The following TRABD variants were observed in gnomAD, a reference collection of about 807,000 sequenced individuals.
TRABD encodes the protein traB domain-containing protein.
A neutral mutation model predicts 39.6 loss-of-function variants in TRABD; 23 were observed. The ratio of observed to expected loss-of-function variants is 0.58; its 90% CI spans 0.42 to 0.82. The LOEUF is 0.82. Ranked by LOEUF, TRABD falls within the 40% of genes least tolerant of loss-of-function variation. The probability of loss-of-function intolerance (pLI) is 0.00; values close to 1 mark genes in which losing one functional copy is unlikely to be tolerated. For synonymous variants in TRABD, 243 were observed against 232.1 expected, an observed-to-expected ratio of 1.05 and a Z score of -0.43; for missense variants, 487 against 544.9, an observed-to-expected ratio of 0.89 and a Z score of 1.06.
In TRABD at chr22:50,198,407, GC is replaced by G; in HGVS notation, c.1021del (p.Leu341CysfsTer30). On this transcript the variant is annotated frameshift_variant, in exon 10 of 10. Transcript: ENST00000380909. LOFTEE classifies it high-confidence loss of function. The surrounding 1 kb of genome is among the most constrained non-coding windows in gnomAD (Gnocchi z 7.9). Reference sequence around the variant, plus strand: ...TTGGCCGTGAAGGCCGCCTTCTTCGGCCTGCTGGGCTACAGCCTGTACTGGA... The same window carrying G: ...TTGGCCGTGAAGGCCGCCTTCTTCGGCTGCTGGGCTACAGCCTGTACTGGA... ...SRLAVKAAFF[G>X]LLGYSLYWMG... The G allele has an allele frequency of 6.3e-7, 1 of 1,595,902 alleles. No homozygotes were observed. The highest frequency in any genetic ancestry group is 8.5e-7 in the Non-Finnish European group (1 of 1,176,888).
chr22:50,195,341 G>GC (rs34073975), intron 5 of TRABD, among the ~76,000 whole-genome samples: 24,118 of 151,928 alleles, frequency 0.16, 2,119 homozygotes, highest in East Asian at 0.26. Flanking sequence ...TGCAAGGTTG[G>GC]CCCCCCCGGT....
In TRABD at chr22:50,199,019, G is replaced by C. The variant is rs1020917866; in HGVS notation, c.*500G>C. 1.0e-5 allele frequency: 7 copies of C among 677,884 alleles called. No homozygotes were observed. In the African/African-American group the frequency reaches 1.2e-4, roughly 12 times the overall value. The allele number at this position is 677,884 out of a possible 1,614,324, so 42.0% of individuals were successfully genotyped here. A position where few individuals can be genotyped will look rare whatever the true frequency, so the allele number is the denominator to read the frequency against. Reference sequence around the variant, plus strand: ...ACCGTGCCCCTGGCATCCTGGCCCTGGCCGCCACCTCCCTGGCACCGTCTG... The same window carrying C: ...ACCGTGCCCCTGGCATCCTGGCCCTCGCCGCCACCTCCCTGGCACCGTCTG... On this transcript the variant is annotated 3_prime_UTR_variant, in exon 10 of 10. Transcript: ENST00000380909.
At chr22:50,187,807 G>A (rs556588185) in intron 1 of TRABD, among the ~76,000 whole-genome samples, 134 of 151,384 alleles carry the variant, frequency 8.9e-4, no homozygotes, top group African/African-American at 3.1e-3. Flanking sequence ...GTGAAACCCC[G>A]TCTCTACTAA....
intron 2 of TRABD, among the ~76,000 whole-genome samples, chr22:50,193,299 G>A (rs532806168): frequency 2.2e-4 from 34 of 152,280 alleles, no homozygotes; most frequent in African/African-American, 6.5e-4. Context: ...GATGGCAGCC[G>A]TGCCAGTGAT....
chr22:50,194,532 C>G, intron 4 of TRABD, 26 bp downstream of exon 4: 1 of 1,562,544 alleles, frequency 6.4e-7, no homozygotes. Flanking sequence ...CGCCACATCC[C>G]GGACACGGGT....
At chr22:50,194,755 C>A in intron 4 of TRABD, 145 bp from the exon 5 acceptor site, 1 of 1,292,146 alleles carries the variant, frequency 7.7e-7, no homozygotes, top group Non-Finnish European at 1.0e-6. Flanking sequence ...GAGAATTGAG[C>A]TGTCACTGCA....
At chr22:50,194,571 G>C (rs2064030599) in intron 4 of TRABD, 65 bp downstream of exon 4, 2 of 1,545,904 alleles carry the variant, frequency 1.3e-6, no homozygotes, top group Non-Finnish European at 1.7e-6. Flanking sequence ...CCTGCACTCA[G>C]GGACCTCCCG....
Position 50,199,332 on chromosome 22 carries a change from T to C in TRABD, c.*813T>C. 1.9e-6 allele frequency: 1 copy of C among 536,366 alleles called. No individual in the cohort carries two copies. Among genetic ancestry groups the C allele is most frequent in the South Asian group, 2.1e-5 (1 of 47,304 alleles). The allele number at this position is 536,366 out of a possible 1,614,324, so 33.2% of individuals were successfully genotyped here. Reference sequence around the variant, plus strand: ...TCTGGGCAGACAATGTGTGCACCTATGTGGAAGGCCAAGGACATGGGCTGT... The same window carrying C: ...TCTGGGCAGACAATGTGTGCACCTACGTGGAAGGCCAAGGACATGGGCTGT... On this transcript the variant is annotated 3_prime_UTR_variant, in exon 10 of 10. Transcript: ENST00000380909.
rs1482670144 is a variant in TRABD, at chr22:50,199,162, A to G, written c.*643A>G. On this transcript the variant is annotated 3_prime_UTR_variant, in exon 10 of 10. Transcript: ENST00000380909. ...TCAAAAAACACCAGCCTTAAATCCA[A>G]AGGGAGAGAATTCGTGTTCTTGGGT... 1.4e-6 allele frequency: 1 copy of G among 719,146 alleles called. No homozygotes were observed. The highest frequency in any genetic ancestry group is 2.6e-6 in the Non-Finnish European group (1 of 385,578). The allele number at this position is 719,146 out of a possible 1,614,324, so 44.5% of individuals were successfully genotyped here.
chr22:50,194,298 G>A (rs1364000189), intron 3 of TRABD, 42 bp from the exon 4 acceptor site: 6 of 1,594,002 alleles, frequency 3.8e-6, no homozygotes, highest in East Asian at 2.2e-5. Flanking sequence ...CGGCGTCCTT[G>A]GGGTGGGCCC....
chr22:50,197,763 A>AGGGCCCCCCCCCCCCCCCCCC, intron 7 of TRABD, 60 bp from the exon 8 acceptor site: 1 of 1,439,784 alleles, frequency 6.9e-7, no homozygotes, highest in Non-Finnish European at 9.7e-7. Context: ...CCACAGTGCC[A>AGGGCCCCCCCCCCCCCCCCCC]GCCCCACCCC....
chr22:50,192,930 C>T, intron 1 of TRABD, 97 bp from the exon 2 acceptor site: 1 of 1,182,004 alleles, frequency 8.5e-7, no homozygotes, highest in East Asian at 2.6e-5. Context: ...CAGGCCCACC[C>T]AACAGATGGT....
In TRABD at chr22:50,194,358, A is replaced by G. The variant is rs2064019633; in HGVS notation, c.131A>G (p.Asn44Ser). 1.9e-6 allele frequency: 3 copies of G among 1,612,680 alleles called. No homozygotes were observed. The highest frequency in any genetic ancestry group is 1.3e-5 in the African/African-American group (1 of 75,030). Residue 44 changes from asparagine (N) to serine (S), a missense_variant, in exon 4 of 10, where the codon AAC becomes AGC. Around this residue, in one of 3 missense-constraint regions of TRABD, gnomAD observed 358 missense variants for 414.7 expected, o/e 0.86. Coordinates refer to ENST00000380909, the MANE Select transcript of TRABD (RefSeq NM_001320485.2). ...PQNLSDVDAFNLLLEMKLKRR... is the reference protein window; with the variant it reads ...PQNLSDVDAFSLLLEMKLKRR... ...GTTGCAGCCGACGTGGACGCCTTCA[A>G]CCTGCTCCTGGAGATGAAGCTGAAG... is the stretch of plus-strand genomic sequence containing the variant.
chr22:50,188,952 G>A (rs543913416), intron 1 of TRABD, among the ~76,000 whole-genome samples: 1 of 152,344 alleles, frequency 6.6e-6, no homozygotes, highest in South Asian at 2.1e-4. Context: ...TGGGGCTGTT[G>A]GGAATTCTCA....
intron 2 of TRABD, 73 bp downstream of exon 2, chr22:50,193,166 C>A: frequency 2.1e-6 from 3 of 1,459,552 alleles, no homozygotes; most frequent in South Asian, 2.6e-5. Context: ...CTCTCGGGGT[C>A]GGTCCCTGGC....
rs1355148698 is a variant in TRABD at position 50,198,774 on chromosome 22, C to T, written c.*255C>T. Reference sequence around the variant, plus strand: ...CAGGGGCCGTTCCCCAGCTTCTGGACAAGACACCCAGCTCCGAGGGGGCAG... The same window carrying T: ...CAGGGGCCGTTCCCCAGCTTCTGGATAAGACACCCAGCTCCGAGGGGGCAG... On this transcript the variant is annotated 3_prime_UTR_variant, in exon 10 of 10. Transcript: ENST00000380909. This position sits in a 1 kb window ranked among gnomAD's most constrained non-coding sequence, Gnocchi z 7.9. 7.3e-6 allele frequency: 4 copies of T among 545,044 alleles called. No individual in the cohort carries two copies. Among genetic ancestry groups the T allele is most frequent in the Non-Finnish European group, 1.3e-5 (4 of 309,690 alleles). 33.8% of individuals were successfully genotyped at this position (545,044 alleles called of 1,614,324 possible).
chr22:50,193,348 C>G (rs1449816729), intron 2 of TRABD, among the ~76,000 whole-genome samples: 3 of 152,162 alleles, frequency 2.0e-5, no homozygotes, highest in Non-Finnish European at 4.4e-5. Flanking sequence ...GGGGCCTAGG[C>G]TCTACGGAGG....
chr22:50,190,286 T>G (rs939219698), intron 1 of TRABD, among the ~76,000 whole-genome samples: 1 of 152,162 alleles, frequency 6.6e-6, no homozygotes, highest in African/African-American at 2.4e-5. Flanking sequence ...GCTCAAGGCT[T>G]GGCAGCCGGC....
Position 50,194,398 on chromosome 22 carries a change from G to T in TRABD, c.171G>T (p.Arg57=). 1 of 1,612,808 alleles carries T rather than the reference G, an allele frequency of 6.2e-7. No homozygotes were observed. Among genetic ancestry groups the T allele is most frequent in the Non-Finnish European group, 8.5e-7 (1 of 1,179,800 alleles). The change falls in exon 4 of 10, where the codon CGG becomes CGT. Residue 57 remains arginine (R), a synonymous_variant. Coordinates refer to ENST00000380909, the MANE Select transcript of TRABD (RefSeq NM_001320485.2). ...LEMKLKRRRQ[R]PNLPRTVTQL... ...TGAAGCTGAAGCGGCGGCGTCAGCG[G>T]CCCAACCTGCCGCGCACTGTGACCC...
Sources: gnomAD v4.1 joint callset for allele counts (sites outside exome capture counted in the v4.1 genomes callset) on GRCh38, gnomAD v4.1.1 for gene constraint, gnomAD v4.1.1 regional missense constraint, Gnocchi (gnomAD v3.1) non-coding constraint, MANE v1.5 for transcripts, NCBI Gene and HGNC (gene_info 2026-07-23, HGNC 2026-07-21) for gene names.